Variants in HHAT observed in about 807,000 individuals in gnomAD.
HHAT encodes hedgehog acyltransferase.
In HHAT, 47 loss-of-function variants were observed where a neutral mutation model predicts 70.8. The observed-to-expected ratio is 0.66, with a 90% confidence interval of 0.53 to 0.85. HHAT has a LOEUF of 0.85. HHAT is among the 40% of genes least tolerant of loss of function. HHAT has a pLI of 0.00. For missense variants in HHAT, 609 were observed against 604.8 expected (o/e 1.01, Z -0.07); for synonymous variants, 228 against 247.6 (o/e 0.92, Z 0.74).
chr1:210,458,039 A>G lies in HHAT; in HGVS notation c.857-6466A>G, dbSNP rs184794311. On this transcript the variant is annotated intron_variant, in intron 7 of 11. Coordinates refer to ENST00000261458, the MANE Select transcript of HHAT (RefSeq NM_018194.6). ...AATAGAATACTAGAATTGAAATCAT[A>G]TAAGTAAAACATTTTTTAAAAATCT... Among the ~76,000 whole-genome samples, 481 of 152,332 alleles carry G rather than the reference A, an allele frequency of 3.2e-3. 5 individuals are homozygous for G. The highest frequency in any genetic ancestry group is 2.6e-3 in the Non-Finnish European group (175 of 68,030).
At chr1:210,330,636 T>C (rs999207490) in intron 1 of HHAT, among the ~76,000 whole-genome samples, 1 of 151,946 alleles carries the variant, frequency 6.6e-6, no homozygotes, top group Non-Finnish European at 1.5e-5. Flanking sequence ...CATCAGGAAC[T>C]TGCGAGCATG....
At chr1:210,415,739 A>G (rs1254487712) in intron 6 of HHAT, among the ~76,000 whole-genome samples, 2 of 151,896 alleles carry the variant, frequency 1.3e-5, no homozygotes, top group East Asian at 3.9e-4. Flanking sequence ...GCTCATTGCA[A>G]TTTCTGCCTC....
rs71146233 is a variant in HHAT at position 210,569,373 on chromosome 1, C to CAAAAA, written c.1044-18503_1044-18499dup. On this transcript the variant is annotated intron_variant, in intron 9 of 11. Coordinates refer to ENST00000261458, the MANE Select transcript of HHAT (RefSeq NM_018194.6). ...CGGGCGACAGAGCCAGAGTCTGCCT[C>CAAAAA]AAAAAAAAAAAAAAAAAAAAAAAAA... 6.0e-4 allele frequency among the ~76,000 whole-genome samples: 17 copies of CAAAAA among 28,344 alleles called. 3 individuals carry two copies. The highest frequency in any genetic ancestry group is 9.8e-4 in the African/African-American group (8 of 8,138). 18.6% of individuals were successfully genotyped at this position (28,344 alleles called of 152,430 possible). A position where few individuals can be genotyped will look rare whatever the true frequency, so the allele number is the denominator to read the frequency against.
At chr1:210,444,632 G>T (rs536711083) in intron 7 of HHAT, among the ~76,000 whole-genome samples, 1 of 151,944 alleles carries the variant, frequency 6.6e-6, no homozygotes, top group Non-Finnish European at 1.5e-5. Flanking sequence ...GTTTAATTGC[G>T]TAGAGGTGTT....
At chr1:210,356,445 C>T (rs1332100373) in intron 2 of HHAT, among the ~76,000 whole-genome samples, 1 of 151,254 alleles carries the variant, frequency 6.6e-6, no homozygotes, top group Non-Finnish European at 1.5e-5. Flanking sequence ...TTTAAATAAA[C>T]TCTAGCACCG....
chr1:210,610,809 A>G (rs1573712762), intron 10 of HHAT, among the ~76,000 whole-genome samples: 1 of 152,210 alleles, frequency 6.6e-6, no homozygotes, highest in East Asian at 1.9e-4. Flanking sequence ...GGTTTGTTGG[A>G]GATCAGACGA....
intron 7 of HHAT, among the ~76,000 whole-genome samples, chr1:210,420,812 G>A (rs952320815): frequency 1.8e-4 from 28 of 151,492 alleles, no homozygotes; most frequent in Non-Finnish European, 3.2e-4. Context: ...TGATATTTTC[G>A]GTTCCATATT....
intron 10 of HHAT, among the ~76,000 whole-genome samples, chr1:210,616,652 G>T (rs751172769): frequency 2.0e-5 from 3 of 152,230 alleles, no homozygotes; most frequent in African/African-American, 7.2e-5. Flanking sequence ...GAAGGTTGCA[G>T]TTGAGAGAAG....
At chr1:210,605,860 T>C (rs1355476319) in intron 10 of HHAT, among the ~76,000 whole-genome samples, 1 of 151,988 alleles carries the variant, frequency 6.6e-6, no homozygotes, top group Non-Finnish European at 1.5e-5. Flanking sequence ...TTATGTTTTT[T>C]TTTTTCCTCT....
At chr1:210,600,723 C>T (rs1166508782) in intron 10 of HHAT, among the ~76,000 whole-genome samples, 1 of 152,098 alleles carries the variant, frequency 6.6e-6, no homozygotes, top group Non-Finnish European at 1.5e-5. Context: ...TTCTGTTTAG[C>T]ATTGAAATAT....
chr1:210,438,445 ACTTGTC>A (rs2093429985), intron 7 of HHAT, among the ~76,000 whole-genome samples: 1 of 151,860 alleles, frequency 6.6e-6, no homozygotes, highest in Non-Finnish European at 1.5e-5. Context: ...AGGTAGACCA[ACTTGTC>A]CTTTACTTGT....
chr1:210,620,110 G>A (rs1360825877), intron 10 of HHAT, among the ~76,000 whole-genome samples: 3 of 152,218 alleles, frequency 2.0e-5, no homozygotes, highest in East Asian at 1.9e-4. Flanking sequence ...AGGGGTAATC[G>A]CTGTAGGACT....
chr1:210,578,244 C>T (rs1419915556), intron 9 of HHAT, among the ~76,000 whole-genome samples: 2 of 151,940 alleles, frequency 1.3e-5, no homozygotes, highest in Non-Finnish European at 2.9e-5. Flanking sequence ...AAAAGATGCT[C>T]AATATCACCA....
At chr1:210,429,004 C>CT (rs1397972009) in intron 7 of HHAT, among the ~76,000 whole-genome samples, 1 of 151,794 alleles carries the variant, frequency 6.6e-6, no homozygotes, top group Non-Finnish European at 1.5e-5. Context: ...ACCCACCTCG[C>CT]TCCGGCAAAA....
At chr1:210,415,211 G>A (rs955581370) in intron 6 of HHAT, among the ~76,000 whole-genome samples, 1 of 152,148 alleles carries the variant, frequency 6.6e-6, no homozygotes, top group Non-Finnish European at 1.5e-5. Context: ...GGACATTTGG[G>A]TTATTTCCTT....
chr1:210,419,644 A>T (rs529076338), intron 7 of HHAT, among the ~76,000 whole-genome samples: 3 of 152,316 alleles, frequency 2.0e-5, no homozygotes, highest in African/African-American at 4.8e-5. Flanking sequence ...ACAAATCTTG[A>T]TTGTTCTTGG....
intron 7 of HHAT, among the ~76,000 whole-genome samples, chr1:210,432,807 T>C (rs1359960906): frequency 6.6e-6 from 1 of 151,822 alleles, no homozygotes; most frequent in African/African-American, 2.4e-5. Flanking sequence ...TTCAAGGTTT[T>C]GGTGCTAATC....
At chr1:210,499,990 A>T (rs961138324) in intron 8 of HHAT, among the ~76,000 whole-genome samples, 2 of 152,218 alleles carry the variant, frequency 1.3e-5, no homozygotes, top group African/African-American at 4.8e-5. Context: ...TTTAGATATA[A>T]TGACTGTTGT....
chr1:210,568,582 G>C (rs942491450), intron 9 of HHAT, among the ~76,000 whole-genome samples: 2 of 152,140 alleles, frequency 1.3e-5, no homozygotes, highest in African/African-American at 4.8e-5. Flanking sequence ...CTATGGGGTG[G>C]GAACATACCC....
Sources: gnomAD v4.1 joint callset for allele counts (sites outside exome capture counted in the v4.1 genomes callset) on GRCh38, gnomAD v4.1.1 for gene constraint, MANE v1.5 for transcripts, NCBI Gene and HGNC (gene_info 2026-07-23, HGNC 2026-07-21) for gene names.